Variants in OTOGL observed in about 807,000 individuals in gnomAD.
OTOGL encodes the protein otogelin-like protein.
A neutral mutation model predicts 318.5 loss-of-function variants in OTOGL; 285 were observed. The ratio of observed to expected loss-of-function variants is 0.89; its 90% CI spans 0.81 to 0.99. OTOGL has a LOEUF of 0.99. Among genes scored for constraint, OTOGL ranks in the 50% least tolerant of loss-of-function variants. OTOGL has a pLI of 0.00. For missense variants in OTOGL, 2,899 were observed against 2,845.6 expected (o/e 1.02, Z -0.43); for synonymous variants, 987 against 936.5 (o/e 1.05, Z -0.99).
At chr12:80,148,380 C>A (rs1399268959) in intron 1 of OTOGL, among the ~76,000 whole-genome samples, 2 of 149,502 alleles carry the variant, frequency 1.3e-5, no homozygotes, top group African/African-American at 4.9e-5. Flanking sequence ...TGAATATTGG[C>A]CCCCACTCTC....
intron 1 of OTOGL, among the ~76,000 whole-genome samples, chr12:80,152,410 C>T (rs1254533673): frequency 6.6e-6 from 1 of 152,094 alleles, no homozygotes; most frequent in African/African-American, 2.4e-5. Flanking sequence ...GATCTTCCCT[C>T]CCAAATTTCA....
chr12:80,378,966 C>G lies in OTOGL; in HGVS notation c.*918C>G, dbSNP rs570424894. 6 of 152,430 alleles carry G rather than the reference C, an allele frequency of 3.9e-5. No homozygotes were observed. Among genetic ancestry groups the G allele is most frequent in the Non-Finnish European group, 5.9e-5 (4 of 67,880 alleles). 9.4% of individuals were successfully genotyped at this position (152,430 alleles called of 1,614,324 possible). A position where few individuals can be genotyped will look rare whatever the true frequency, so the allele number is the denominator to read the frequency against. ...TCAGTATTTAACATTTAGTTACTGTCTCATTAATATTTAATTTTGAGGATG... is the reference window on the plus strand; with the variant it reads ...TCAGTATTTAACATTTAGTTACTGTGTCATTAATATTTAATTTTGAGGATG... On this transcript the variant is annotated 3_prime_UTR_variant, in exon 59 of 59. Transcript: ENST00000547103.
chr12:80,262,702 A>G (rs1345538568), intron 19 of OTOGL, among the ~76,000 whole-genome samples: 6 of 152,150 alleles, frequency 3.9e-5, no homozygotes, highest in Non-Finnish European at 8.8e-5. Flanking sequence ...AACCATGTTA[A>G]AGTCCAGTTC....
chr12:80,123,668 T>C (rs1870626659), intron 1 of OTOGL, among the ~76,000 whole-genome samples: 1 of 152,060 alleles, frequency 6.6e-6, no homozygotes, highest in Non-Finnish European at 1.5e-5. Context: ...TGTAAAAGTG[T>C]TCCCATTTCT....
intron 1 of OTOGL, among the ~76,000 whole-genome samples, chr12:80,130,706 G>T (rs1871185726): frequency 1.3e-5 from 2 of 152,270 alleles, no homozygotes; most frequent in Non-Finnish European, 2.9e-5. Flanking sequence ...AAAGAGGGGG[G>T]CAAATAATTT....
At chr12:80,346,369 AG>A (rs1360114049) in intron 44 of OTOGL, among the ~76,000 whole-genome samples, 4 of 152,144 alleles carry the variant, frequency 2.6e-5, no homozygotes, top group Non-Finnish European at 5.9e-5. Flanking sequence ...TCCTGTTGCA[AG>A]AAAAAAAAGA....
intron 1 of OTOGL, among the ~76,000 whole-genome samples, chr12:80,183,455 T>C (rs1875070943): frequency 1.3e-5 from 2 of 152,158 alleles, no homozygotes; most frequent in African/African-American, 4.8e-5. Flanking sequence ...CTAAAATGGA[T>C]AATAGAGATA....
chr12:80,263,947 A>C (rs1276802418), intron 19 of OTOGL, among the ~76,000 whole-genome samples: 1 of 152,116 alleles, frequency 6.6e-6, no homozygotes, highest in East Asian at 1.9e-4. Context: ...CTATAGTTTA[A>C]GTCATTTGTT....
At chr12:80,352,801 A>G (rs1889633687) in intron 45 of OTOGL, among the ~76,000 whole-genome samples, 1 of 152,202 alleles carries the variant, frequency 6.6e-6, no homozygotes, top group African/African-American at 2.4e-5. Flanking sequence ...TTAATTTTTA[A>G]TAGTATGACT....
At chr12:80,357,859 C>T (rs762615575) in intron 49 of OTOGL, among the ~76,000 whole-genome samples, 13 of 152,062 alleles carry the variant, frequency 8.5e-5, no homozygotes, top group Admixed American at 2.6e-4. Context: ...AAAGGTGGGA[C>T]GGCATGTTGA....
rs180762219 is a variant in OTOGL at position 80,249,423 on chromosome 12, C to T, written c.1053-2270C>T. 7.8e-4 allele frequency among the ~76,000 whole-genome samples: 118 copies of T among 151,318 alleles called. 1 individual carries two copies. Among genetic ancestry groups the T allele is most frequent in the East Asian group, 1.4e-3 (7 of 5,134 alleles). ...CTGAAGGTCTGTTGGAATACCCTGC[C>T]GTGTGAGGTGTCAGTGTGCCCCTGC... On this transcript the variant is annotated intron_variant, in intron 11 of 58. Coordinates refer to ENST00000547103, the MANE Select transcript of OTOGL (RefSeq NM_001378609.3).
intron 11 of OTOGL, among the ~76,000 whole-genome samples, chr12:80,240,967 G>T (rs896700162): frequency 6.6e-6 from 1 of 152,004 alleles, no homozygotes; most frequent in African/African-American, 2.4e-5. Context: ...AGTAGCTAAA[G>T]AAATTTTAAT....
At chr12:80,214,958 A>G (rs935209880) in intron 4 of OTOGL, among the ~76,000 whole-genome samples, 1 of 152,162 alleles carries the variant, frequency 6.6e-6, no homozygotes, top group Admixed American at 6.6e-5. Flanking sequence ...ATGTATTATG[A>G]TGTATGGGAT....
In OTOGL at chr12:80,110,758, G is replaced by A. The variant is rs146768024; in HGVS notation, c.-20+11153G>A. Among the ~76,000 whole-genome samples, 39 of 152,222 alleles carry A rather than the reference G, an allele frequency of 2.6e-4. 1 individual carries two copies. The East Asian group carries it at 7.3e-3, about 29-fold the overall frequency. On this transcript the variant is annotated intron_variant, in intron 1 of 58. Transcript: ENST00000547103. ...AGTAGAATGATTTATAATCCTTTGG[G>A]TATATCCCCAGTAATGGGATTGCTG... is the stretch of plus-strand genomic sequence containing the variant.
In OTOGL at chr12:80,324,700, C is replaced by T. The variant is rs114980802; in HGVS notation, c.4199+860C>T. Among the ~76,000 whole-genome samples, 331 of 152,030 alleles carry T rather than the reference C, an allele frequency of 2.2e-3. 1 individual carries two copies. Among genetic ancestry groups the T allele is most frequent in the African/African-American group, 7.6e-3 (317 of 41,450 alleles). On this transcript the variant is annotated intron_variant, in intron 35 of 58. Coordinates refer to ENST00000547103, the MANE Select transcript of OTOGL (RefSeq NM_001378609.3). ...AGGGGATTTGACCAGGTTGGTGGCC[C>T]GAGAGGTTATGAGGAACAAACAGAT...
At chr12:80,307,332 C>G (rs1404488895) in intron 29 of OTOGL, among the ~76,000 whole-genome samples, 5 of 151,900 alleles carry the variant, frequency 3.3e-5, no homozygotes. Flanking sequence ...GTACACCTCC[C>G]AGACGGGGTG....
In OTOGL at chr12:80,356,911, T is replaced by G; in HGVS notation, c.6016T>G (p.Cys2006Gly). Residue 2006 changes from cysteine (C) to glycine (G), a missense_variant, in exon 49 of 59, where the codon TGT becomes GGT. Coordinates refer to ENST00000547103, the MANE Select transcript of OTOGL (RefSeq NM_001378609.3). ...AGAACCTTGTTGTTTTTCCCCTTTTTGTGGTGAGTATTGTAGAGATAATTT... is the reference window on the plus strand; with the variant it reads ...AGAACCTTGTTGTTTTTCCCCTTTTGGTGGTGAGTATTGTAGAGATAATTT... ...QEEPCCFSPF[C>G]VCESCTKPVP... is the part of the protein sequence containing the mutation. 6.3e-7 allele frequency: 1 copy of G among 1,578,794 alleles called. No homozygotes were observed. Among genetic ancestry groups the G allele is most frequent in the Non-Finnish European group, 8.6e-7 (1 of 1,159,538 alleles).
At chr12:80,117,551 A>G (rs1870241954) in intron 1 of OTOGL, among the ~76,000 whole-genome samples, 1 of 152,120 alleles carries the variant, frequency 6.6e-6, no homozygotes, top group South Asian at 2.1e-4. Flanking sequence ...TAGCCACCTG[A>G]TGTTTTCCGT....
At chr12:80,281,677 C>T (rs1439369390) in intron 26 of OTOGL, among the ~76,000 whole-genome samples, 2 of 151,670 alleles carry the variant, frequency 1.3e-5, no homozygotes, top group East Asian at 3.9e-4. Flanking sequence ...GTATCTCTGC[C>T]AGGTTTTGGT....
Sources: allele counts gnomAD v4.1 joint callset (sites outside exome capture counted in the v4.1 genomes callset), GRCh38; gene constraint gnomAD v4.1.1; transcripts MANE v1.5; gene names NCBI Gene and HGNC (gene_info 2026-07-23, HGNC 2026-07-21).